Variants in UGT1A9 observed in about 807,000 individuals in gnomAD.
The protein encoded by UGT1A9 is UDP glucuronosyltransferase family 1 member A9.
A neutral mutation model predicts 45.0 loss-of-function variants in UGT1A9; 35 were observed. The ratio of observed to expected loss-of-function variants is 0.78; its 90% confidence interval spans 0.59 to 1.03. The LOEUF is 1.03. Ranked by LOEUF, UGT1A9 falls within the 50% of genes least tolerant of loss-of-function variation. The pLI is 0.00. For missense variants in UGT1A9, 687 were observed against 666.6 expected, an observed-to-expected ratio of 1.03 and a Z score of -0.34; for synonymous variants, 278 against 250.6, an observed-to-expected ratio of 1.11 and a Z score of -1.03.
intron 2 of UGT1A9, 66 bp from the exon 3 acceptor site, chr2:233,767,783 T>C: frequency 6.2e-7 from 1 of 1,613,658 alleles, no homozygotes. Context: ...CTAGTTAGTA[T>C]AGCAGATTTG....
intron 1 of UGT1A9, chr2:233,760,235 T>C (rs1697361958): frequency 1.4e-5 from 17 of 1,221,898 alleles, no homozygotes; most frequent in Non-Finnish European, 1.8e-5. Context: ...GTTTTTGCCA[T>C]ATATATATAT....
chr2:233,747,087 G>A, intron 1 of UGT1A9: 5 of 1,192,212 alleles, frequency 4.2e-6, no homozygotes, highest in Non-Finnish European at 5.8e-6. Flanking sequence ...TAGGAGGAGA[G>A]CACTCTATCT....
At chr2:233,690,868 G>C in intron 1 of UGT1A9, 2 of 1,065,100 alleles carry the variant, frequency 1.9e-6, no homozygotes, top group Non-Finnish European at 2.3e-6. Flanking sequence ...TAATTTGCAA[G>C]AAGGTGTTAG....
chr2:233,698,547 CA>C (rs2075447093), intron 1 of UGT1A9, among the ~76,000 whole-genome samples: 1 of 152,080 alleles, frequency 6.6e-6, no homozygotes, highest in Non-Finnish European at 1.5e-5. Context: ...CACGAGTGGC[CA>C]ACAAAACTTT....
rs527503361 is a variant in UGT1A9 at position 233,743,746 on chromosome 2, C to G, written c.856-23288C>G. 8 of 1,367,246 alleles carry G rather than the reference C, an allele frequency of 5.9e-6. No individual in the cohort carries two copies. The South Asian group carries it at 6.8e-5, about 12-fold the overall frequency. The allele number at this position is 1,367,246 out of a possible 1,614,324, so 84.7% of individuals were successfully genotyped here. On this transcript the variant is annotated intron_variant, in intron 1 of 4. Transcript: ENST00000354728. ...CATAGATATCGCGTTTCTTGGCGTC[C>G]GACAACACCTCGTAGGCCTCGGCCA...
chr2:233,742,523 T>A (rs1692010019), intron 1 of UGT1A9, among the ~76,000 whole-genome samples: 1 of 151,942 alleles, frequency 6.6e-6, no homozygotes, highest in Non-Finnish European at 1.5e-5. Context: ...GTCACAGTGC[T>A]GCAGAGATTT....
chr2:233,712,236 T>C (rs1331292376), intron 1 of UGT1A9, among the ~76,000 whole-genome samples: 1 of 152,234 alleles, frequency 6.6e-6, no homozygotes, highest in African/African-American at 2.4e-5. Flanking sequence ...ACCATGGGTC[T>C]TTGCTAGGGT....
At chr2:233,747,624 A>C in intron 1 of UGT1A9, 3 of 1,577,546 alleles carry the variant, frequency 1.9e-6, no homozygotes, top group Non-Finnish European at 2.6e-6. Flanking sequence ...TGAGGCCCTG[A>C]TCAGGCACCT....
At chr2:233,754,500 G>A (rs945598675) in intron 1 of UGT1A9, 52 of 356,130 alleles carry the variant, frequency 1.5e-4, no homozygotes, top group Admixed American at 3.0e-4. Flanking sequence ...AAAAAAGTCC[G>A]CTATTCCTCC....
chr2:233,739,344 AG>A lies in UGT1A9; in HGVS notation c.856-27689del, dbSNP rs1575629032. On this transcript the variant is annotated intron_variant, in intron 1 of 4. Transcript: ENST00000354728. ...AGAAGGCCACAGTCCTTCAGAACCC[AG>A]AAGGGCAGATCCAATAGCTTGCACT... Among the ~76,000 whole-genome samples the A allele has an allele frequency of 3.9e-5, 6 of 152,328 alleles. No individual in the cohort carries two copies. In the East Asian group the frequency reaches 5.8e-4, roughly 15 times the overall value.
At chr2:233,689,865 T>G in intron 1 of UGT1A9, 1 of 456,466 alleles carries the variant, frequency 2.2e-6, no homozygotes. Flanking sequence ...TACTATTACC[T>G]TCTTGCTTAT....
chr2:233,744,268 G>A (rs975143580), intron 1 of UGT1A9, among the ~76,000 whole-genome samples: 1 of 151,806 alleles, frequency 6.6e-6, no homozygotes, highest in Non-Finnish European at 1.5e-5. Context: ...TTTTCTTAAA[G>A]TAGGCTTTAT....
At chr2:233,682,341 A>T in intron 1 of UGT1A9, 1 of 1,614,096 alleles carries the variant, frequency 6.2e-7, no homozygotes, top group Non-Finnish European at 8.5e-7. Flanking sequence ...AAATTAGTAG[A>T]ATACTTAAAG....
intron 1 of UGT1A9, chr2:233,743,112 A>G (rs1313139997): frequency 1.1e-5 from 4 of 354,674 alleles, no homozygotes; most frequent in Non-Finnish European, 1.7e-5. Flanking sequence ...GCTGTTCTGA[A>G]AGTAAAGTTC....
intron 1 of UGT1A9, among the ~76,000 whole-genome samples, chr2:233,684,525 A>T (rs1342289288): frequency 6.6e-6 from 1 of 152,190 alleles, no homozygotes; most frequent in Non-Finnish European, 1.5e-5. Context: ...ATTATATATG[A>T]TTCTATACCA....
chr2:233,679,061 C>T (rs10202865), intron 1 of UGT1A9, among the ~76,000 whole-genome samples: 45,513 of 151,892 alleles, frequency 0.3, 7,094 homozygotes, highest in South Asian at 0.4. Flanking sequence ...AGATTCTCTT[C>T]CATAGTATTG....
At chr2:233,718,488 C>G (rs1328491116) in intron 1 of UGT1A9, among the ~76,000 whole-genome samples, 1 of 152,166 alleles carries the variant, frequency 6.6e-6, no homozygotes, top group Non-Finnish European at 1.5e-5. Flanking sequence ...ATATGGTTAA[C>G]AGAGTAGAAG....
intron 1 of UGT1A9, among the ~76,000 whole-genome samples, chr2:233,678,214 C>G (rs2074412044): frequency 6.6e-6 from 1 of 152,168 alleles, no homozygotes. Flanking sequence ...GGGTACTATG[C>G]TCAGTACTTG....
intron 1 of UGT1A9, among the ~76,000 whole-genome samples, chr2:233,694,835 G>A (rs577816830): frequency 6.6e-5 from 10 of 152,200 alleles, no homozygotes; most frequent in Non-Finnish European, 1.3e-4. Context: ...AACATAGAAT[G>A]TCAGGATTCT....
Sources: allele counts gnomAD v4.1 joint callset (sites outside exome capture counted in the v4.1 genomes callset), GRCh38; gene constraint gnomAD v4.1.1; transcripts MANE v1.5; gene names NCBI Gene and HGNC (gene_info 2026-07-23, HGNC 2026-07-21).